The following HECW2 variants were observed in gnomAD, a reference collection of about 807,000 sequenced individuals.
HECW2 encodes HECT, C2 and WW domain containing E3 ubiquitin protein ligase 2.
In HECW2, 61 loss-of-function variants were observed where a neutral mutation model predicts 175.2. That is an observed-to-expected ratio of 0.35 (90% CI 0.28 to 0.43). HECW2 has a LOEUF of 0.43. Ranked by LOEUF, HECW2 falls within the 20% of genes least tolerant of loss-of-function variation. HECW2 has a pLI of 1.00. For missense variants in HECW2, 1,524 were observed against 2,000.5 expected (o/e 0.76, Z 4.54); for synonymous variants, 671 against 731.0 (o/e 0.92, Z 1.32).
intron 1 of HECW2, among the ~76,000 whole-genome samples, chr2:196,576,981 G>A (rs1023459150): frequency 6.6e-6 from 1 of 152,150 alleles, no homozygotes; most frequent in Non-Finnish European, 1.5e-5. Flanking sequence ...ATACAGGAAG[G>A]AAAATGGCTG....
At chr2:196,514,414 G>A (rs1369497120) in intron 1 of HECW2, among the ~76,000 whole-genome samples, 1 of 152,224 alleles carries the variant, frequency 6.6e-6, no homozygotes, top group Non-Finnish European at 1.5e-5. Context: ...CAGCAGAAAA[G>A]CCTGGGAGCC....
At chr2:196,279,349 A>C (rs1409566117) in intron 14 of HECW2, among the ~76,000 whole-genome samples, 3 of 152,134 alleles carry the variant, frequency 2.0e-5, no homozygotes, top group Non-Finnish European at 2.9e-5. Context: ...CGCCTGGCCG[A>C]AACTTTTAAA....
At chr2:196,509,856 TC>T (rs1687885934) in intron 1 of HECW2, among the ~76,000 whole-genome samples, 1 of 152,182 alleles carries the variant, frequency 6.6e-6, no homozygotes, top group African/African-American at 2.4e-5. Context: ...GCAGGAGTGG[TC>T]TTGGCAAACA....
At chr2:196,414,201 G>C (rs1263306789) in intron 2 of HECW2, among the ~76,000 whole-genome samples, 1 of 152,192 alleles carries the variant, frequency 6.6e-6, no homozygotes, top group African/African-American at 2.4e-5. Context: ...GAGCACAGCT[G>C]TCAGTTAGCT....
intron 2 of HECW2, among the ~76,000 whole-genome samples, chr2:196,352,529 T>C (rs943351435): frequency 1.2e-4 from 19 of 152,194 alleles, no homozygotes; most frequent in African/African-American, 4.3e-4. Flanking sequence ...TCACAATATG[T>C]ACTATCAAGT....
chr2:196,281,597 A>C (rs1270290110), intron 14 of HECW2, among the ~76,000 whole-genome samples: 1 of 123,666 alleles, frequency 8.1e-6, no homozygotes, highest in East Asian at 2.9e-4. Flanking sequence ...CCAAGATTGC[A>C]CCACTGCACT....
intron 1 of HECW2, chr2:196,586,507 C>G (rs536120244): frequency 1.3e-5 from 2 of 152,382 alleles, no homozygotes; most frequent in East Asian, 3.9e-4. Flanking sequence ...AGCAAACTCA[C>G]AGACACAGGG....
chr2:196,515,340 C>T (rs1294224329), intron 1 of HECW2, among the ~76,000 whole-genome samples: 1 of 152,328 alleles, frequency 6.6e-6, no homozygotes, highest in East Asian at 1.9e-4. Flanking sequence ...GGCTGCTGGG[C>T]CAAGTGGGCA....
At chr2:196,341,290 A>AATCACTCCAAAGGAAGTGATTTTGCCAAC (rs1692741827) in intron 3 of HECW2, among the ~76,000 whole-genome samples, 1 of 151,772 alleles carries the variant, frequency 6.6e-6, no homozygotes, top group African/African-American at 2.4e-5. Flanking sequence ...ATTTTGCCAA[A>AATCACTCCAAAGGAAGTGATTTTGCCAAC]ATCACTCCAA....
chr2:196,489,544 T>C (rs1298959001), intron 1 of HECW2, among the ~76,000 whole-genome samples: 2 of 152,108 alleles, frequency 1.3e-5, no homozygotes, highest in Non-Finnish European at 2.9e-5. Flanking sequence ...TTCCTTCCAA[T>C]CATTAAACTA....
At chr2:196,366,055 T>C (rs1467900929) in intron 2 of HECW2, among the ~76,000 whole-genome samples, 1 of 152,180 alleles carries the variant, frequency 6.6e-6, no homozygotes, top group Admixed American at 6.5e-5. Context: ...TTACGCTCAG[T>C]AATTAAGAAT....
At chr2:196,559,518 T>C (rs1430777364) in intron 1 of HECW2, among the ~76,000 whole-genome samples, 1 of 152,180 alleles carries the variant, frequency 6.6e-6, no homozygotes. Flanking sequence ...TTACTGCTCA[T>C]AGGGTTATGC....
At position 196,319,880 on chromosome 2, in the gene HECW2, G is replaced by C. The variant is rs1163298171; in HGVS notation, c.1010C>G (p.Thr337Arg). The C allele has an allele frequency of 6.2e-7, 1 of 1,606,050 alleles. No individual in the cohort carries two copies. The highest frequency in any genetic ancestry group is 1.7e-5 in the Admixed American group (1 of 59,660). Residue 337 changes from threonine to arginine, a missense_variant, in exon 9 of 29, where the codon ACA becomes AGA. Thr to Arg is a moderately conservative substitution (Grantham distance 71, BLOSUM62 -1). Transcript: ENST00000644978. ...HEDASPEAVG[T>R]ILGVNSVNGD... ...ATTCACAGAATTGACTCCAAGTATT[G>C]TGCCAACAGCTTCTGGAGAGGCATC...
At chr2:196,220,252 A>C in intron 25 of HECW2, 99 bp from the exon 26 acceptor site, 1 of 774,244 alleles carries the variant, frequency 1.3e-6, no homozygotes, top group Non-Finnish European at 2.2e-6. Flanking sequence ...TTTCAGGAAT[A>C]ATATGTGTGT....
intron 1 of HECW2, among the ~76,000 whole-genome samples, chr2:196,565,944 G>C (rs1690172662): frequency 1.3e-5 from 2 of 151,944 alleles, no homozygotes; most frequent in African/African-American, 2.4e-5. Flanking sequence ...ATATGTTTCA[G>C]CTTTTGTTTT....
chr2:196,414,063 TGAG>T (rs1186686209), intron 2 of HECW2, among the ~76,000 whole-genome samples: 1 of 152,224 alleles, frequency 6.6e-6, no homozygotes, highest in East Asian at 1.9e-4. Context: ...CAAAAAGCAC[TGAG>T]AAGACAGTCC....
At chr2:196,333,029 G>A (rs747349718) in intron 4 of HECW2, among the ~76,000 whole-genome samples, 1 of 151,972 alleles carries the variant, frequency 6.6e-6, no homozygotes, top group Admixed American at 6.6e-5. Context: ...TGCCTGCAAC[G>A]CTCTTCCCTC....
At chr2:196,227,797 G>T (rs1217473729) in intron 22 of HECW2, among the ~76,000 whole-genome samples, 1 of 152,078 alleles carries the variant, frequency 6.6e-6, no homozygotes, top group Non-Finnish European at 1.5e-5. Context: ...AGGAATATAG[G>T]GATCTCACCA....
chr2:196,254,005 C>T lies in HECW2; in HGVS notation c.3444G>A (p.Ser1148=), dbSNP rs4850690. Residue 1148 remains serine, a synonymous_variant, in exon 19 of 29, where the codon TCG becomes TCA. Coordinates refer to ENST00000644978, the MANE Select transcript of HECW2 (RefSeq NM_001348768.2). The part of the protein sequence containing the change: ...LLSLFEEEIM[S]YVPPHALLHP... ...GGAGTAAGGCATGTGGAGGCACATA[C>T]GACATTATCTCTTCTTCAAATAAGC... 1,605,960 of 1,613,980 alleles carry T rather than the reference C, an allele frequency of 1. 799,331 individuals are homozygous for T. Among genetic ancestry groups the T allele is most frequent in the East Asian group, 1 (44,869 of 44,870 alleles).
Sources: gnomAD v4.1 joint callset for allele counts (sites outside exome capture counted in the v4.1 genomes callset) on GRCh38, gnomAD v4.1.1 for gene constraint, MANE v1.5 for transcripts, NCBI Gene and HGNC (gene_info 2026-07-23, HGNC 2026-07-21) for gene names.